The following CCDC59 variants were observed in gnomAD, a reference collection of about 807,000 sequenced individuals.
CCDC59 encodes the protein thyroid transcription factor 1-associated protein 26.
In CCDC59, 27 loss-of-function variants were observed where a neutral mutation model predicts 30.5. That is an observed-to-expected ratio of 0.89 (90% confidence interval 0.65 to 1.22). CCDC59 has a LOEUF of 1.22. Among genes scored for constraint, CCDC59 ranks in the 50% most tolerant of loss-of-function variants. The pLI, the probability that CCDC59 is intolerant of heterozygous loss-of-function variation, is 0.00. For missense variants in CCDC59, 362 were observed against 284.4 expected (o/e 1.27, Z -1.96); for synonymous variants, 125 against 100.9 (o/e 1.24, Z -1.43).
At chr12:82,357,675 T>C (rs1881143954) in intron 1 of CCDC59, among the ~76,000 whole-genome samples, 1 of 152,182 alleles carries the variant, frequency 6.6e-6, no homozygotes, top group Non-Finnish European at 1.5e-5. Flanking sequence ...AACTACATGT[T>C]TTCGAAAATG....
At chr12:82,356,731 AT>A (rs1368601040) in intron 2 of CCDC59, 1 of 380,696 alleles carries the variant, frequency 2.6e-6, no homozygotes, top group Non-Finnish European at 4.7e-6. Flanking sequence ...AGAAACCCAA[AT>A]TCCAGAGCTC....
chr12:82,356,920 A>C (rs745703792), intron 2 of CCDC59, 40 bp downstream of exon 2: 2 of 1,473,240 alleles, frequency 1.4e-6, no homozygotes, highest in African/African-American at 2.8e-5. Flanking sequence ...TTAAATAATA[A>C]AACAACACTT....
intron 1 of CCDC59, among the ~76,000 whole-genome samples, chr12:82,357,804 A>G (rs1031439518): frequency 6.6e-6 from 1 of 152,242 alleles, no homozygotes; most frequent in African/African-American, 2.4e-5. Context: ...AGACAGCAAT[A>G]CAAAATGACA....
chr12:82,352,500 A>G lies in CCDC59; in HGVS notation c.*651T>C, dbSNP rs1444362569. On this transcript the variant is annotated 3_prime_UTR_variant, in exon 4 of 4. Coordinates refer to ENST00000256151, the MANE Select transcript of CCDC59 (RefSeq NM_014167.5). Reference sequence around the variant, plus strand: ...CAAGGGAGACAGAGATAATGTTCTTAAAGTATAGGGTCCATAGGAACTGGA... The same window carrying G: ...CAAGGGAGACAGAGATAATGTTCTTGAAGTATAGGGTCCATAGGAACTGGA... 1.3e-5 allele frequency: 2 copies of G among 152,244 alleles called. No homozygotes were observed. Among genetic ancestry groups the G allele is most frequent in the South Asian group, 2.1e-4 (1 of 4,834 alleles). 9.4% of individuals were successfully genotyped at this position (152,244 alleles called of 1,614,324 possible).
At chr12:82,357,749 G>A (rs1881150619) in intron 1 of CCDC59, among the ~76,000 whole-genome samples, 1 of 152,196 alleles carries the variant, frequency 6.6e-6, no homozygotes, top group Non-Finnish European at 1.5e-5. Context: ...TCGGAAGACT[G>A]AATTTAACAT....
intron 3 of CCDC59, among the ~76,000 whole-genome samples, chr12:82,354,168 T>C (rs985378067): frequency 5.3e-5 from 8 of 152,132 alleles, no homozygotes; most frequent in African/African-American, 1.4e-4. Flanking sequence ...AGTTTTATCA[T>C]ACATAAAAAT....
intron 2 of CCDC59, chr12:82,355,072 A>G (rs1036172964): frequency 2.6e-5 from 4 of 152,836 alleles, no homozygotes; most frequent in African/African-American, 9.7e-5. Flanking sequence ...TCATTTCCTC[A>G]GCATCCTTGA....
upstream of CCDC59, chr12:82,358,588 C>G (rs1356127479): frequency 6.2e-7 from 1 of 1,612,368 alleles, no homozygotes; most frequent in Non-Finnish European, 8.5e-7. Flanking sequence ...TGCCCTCTCC[C>G]GGTGACCCCG....
intron 2 of CCDC59, 144 bp downstream of exon 2, chr12:82,356,816 C>T: frequency 1.6e-6 from 1 of 624,054 alleles, no homozygotes; most frequent in Non-Finnish European, 2.6e-6. Context: ...AAAATAGAGC[C>T]TCCATGAAAA....
rs3751332 is a variant in CCDC59 at position 82,356,845 on chromosome 12, G to A, written c.464+115C>T. On this transcript the variant is annotated intron_variant, in intron 2 of 3. Transcript: ENST00000256151. ...ATGAAAATGTTTCCCTAATTAAACC[G>A]TGACTTCTAAAATGTGTTAAATAAG... The A allele has an allele frequency of 5.3e-3, 4,278 of 801,788 alleles. 249 individuals carry two copies. In the East Asian group the frequency reaches 0.11, roughly 21 times the overall value. 49.7% of individuals were successfully genotyped at this position (801,788 alleles called of 1,614,324 possible).
chr12:82,354,400 C>T (rs1027968358), intron 3 of CCDC59, 95 bp downstream of exon 3: 14 of 862,336 alleles, frequency 1.6e-5, no homozygotes, highest in Non-Finnish European at 2.2e-5. Flanking sequence ...AGAGAGAATA[C>T]TGTGTGCCCA....
chr12:82,358,541 C>T (rs200602435), upstream of CCDC59: 52 of 1,604,712 alleles, frequency 3.2e-5, no homozygotes, highest in African/African-American at 4.9e-4. Flanking sequence ...GTTTGCGCCA[C>T]CTACAGCCTC....
At position 82,352,404 on chromosome 12, in the gene CCDC59, A is replaced by T. The variant is rs761426792; in HGVS notation, c.*747T>A. 6 of 152,204 alleles carry T rather than the reference A, an allele frequency of 3.9e-5. No homozygotes were observed. The highest frequency in any genetic ancestry group is 8.8e-5 in the Non-Finnish European group (6 of 68,030). The allele number at this position is 152,204 out of a possible 1,614,324, so 9.4% of individuals were successfully genotyped here. ...TATATATATATTTCAAGCCTTTCTC[A>T]TTCTTCTGCAATTTGCAAAGCATGA... On this transcript the variant is annotated 3_prime_UTR_variant, in exon 4 of 4. Transcript: ENST00000256151.
intron 1 of CCDC59, 26 bp from the exon 2 acceptor site, chr12:82,357,295 T>C (rs777086687): frequency 3.2e-6 from 5 of 1,558,918 alleles, no homozygotes; most frequent in Non-Finnish European, 4.4e-6. Flanking sequence ...TCATCCAAAA[T>C]TACTTTCAGA....
chr12:82,353,986 G>C (rs974057144), intron 3 of CCDC59, among the ~76,000 whole-genome samples: 3 of 150,614 alleles, frequency 2.0e-5, no homozygotes, highest in African/African-American at 7.3e-5. Context: ...CTAAATAATA[G>C]AGTGCTAACT....
chr12:82,352,615 T>C lies in CCDC59; in HGVS notation c.*536A>G, dbSNP rs559644092. On this transcript the variant is annotated 3_prime_UTR_variant, in exon 4 of 4. Coordinates refer to ENST00000256151, the MANE Select transcript of CCDC59 (RefSeq NM_014167.5). ...AGCCATGTACATCCATTTAAGGGAA[T>C]GTTTATAAATATCAGACTTTGAGTT... The C allele has an allele frequency of 6.6e-6, 1 of 152,400 alleles. No homozygotes were observed. Among genetic ancestry groups the C allele is most frequent in the Non-Finnish European group, 1.5e-5 (1 of 68,084 alleles). The allele number at this position is 152,400 out of a possible 1,614,324, so 9.4% of individuals were successfully genotyped here. A position where few individuals can be genotyped will look rare whatever the true frequency, so the allele number is the denominator to read the frequency against.
Position 82,358,373 on chromosome 12 carries a change from C to A in CCDC59, c.4G>T (p.Ala2Ser), listed in dbSNP as rs552343625. M[A>S]PVRRSAKWRP... Reference sequence around the variant, plus strand: ...CACTTCGCGGACCGCCTCACCGGCGCCATTGCAGCCGACTAACTGCGTCAT... The same window carrying A: ...CACTTCGCGGACCGCCTCACCGGCGACATTGCAGCCGACTAACTGCGTCAT... Residue 2 changes from alanine to serine, a missense_variant, in exon 1 of 4, where the codon GCG becomes TCG. Transcript: ENST00000256151. 3.1e-6 allele frequency: 5 copies of A among 1,613,192 alleles called. No homozygotes were observed. Among genetic ancestry groups the A allele is most frequent in the Non-Finnish European group, 4.2e-6 (5 of 1,180,032 alleles).
chr12:82,357,749 G>C lies in CCDC59; in HGVS notation c.154+474C>G, dbSNP rs1881150619. 2.0e-5 allele frequency among the ~76,000 whole-genome samples: 3 copies of C among 152,196 alleles called. No individual in the cohort carries two copies. The South Asian group carries it at 6.2e-4, about 32-fold the overall frequency. ...AAAAGCTAGCAATTATCGGAAGACT[G>C]AATTTAACATTTATATATTCCAAGT... is the stretch of plus-strand genomic sequence containing the variant. On this transcript the variant is annotated intron_variant, in intron 1 of 3. Transcript: ENST00000256151.
At chr12:82,358,407 C>A, upstream of CCDC59, 1 of 1,610,740 alleles carries the variant, frequency 6.2e-7, no homozygotes, top group Non-Finnish European at 8.5e-7. Context: ...ATCAGAAGAC[C>A]ACGACGGACG....
Sources: allele counts gnomAD v4.1 joint callset (sites outside exome capture counted in the v4.1 genomes callset), GRCh38; gene constraint gnomAD v4.1.1; transcripts MANE v1.5; gene names NCBI Gene and HGNC (gene_info 2026-07-23, HGNC 2026-07-21).